Variants in PAK2 observed in about 807,000 individuals in gnomAD.
The protein encoded by PAK2 is p21 (RAC1) activated kinase 2.
PAK2 carries 21 observed loss-of-function variants against 65.9 expected under a neutral mutation model. That is an observed-to-expected ratio of 0.32 (90% CI 0.23 to 0.46). The LOEUF is 0.46. Ranked by LOEUF, PAK2 falls within the 20% of genes least tolerant of loss-of-function variation. The pLI, the probability that PAK2 is intolerant of heterozygous loss-of-function variation, is 1.00. For synonymous variants in PAK2, 204 were observed against 219.7 expected (o/e 0.93, Z 0.63); for missense variants, 324 against 642.6 (o/e 0.50, Z 5.36).
chr3:196,786,809 T>G (rs958021639), intron 2 of PAK2, among the ~76,000 whole-genome samples: 2 of 151,470 alleles, frequency 1.3e-5, no homozygotes, highest in African/African-American at 4.9e-5. Flanking sequence ...CCTGTCTTGA[T>G]TACTATATCT....
intron 1 of PAK2, among the ~76,000 whole-genome samples, chr3:196,742,656 T>TGTAA (rs1407536308): frequency 6.6e-6 from 1 of 152,194 alleles, no homozygotes; most frequent in Admixed American, 6.5e-5. Flanking sequence ...GGCTCACGCC[T>TGTAA]GTAATCCCAG....
chr3:196,801,412 A>G (rs1401931033), intron 2 of PAK2, among the ~76,000 whole-genome samples: 4 of 152,130 alleles, frequency 2.6e-5, no homozygotes, highest in African/African-American at 7.2e-5. Flanking sequence ...GCCCTACTCT[A>G]TGGCAGGACA....
chr3:196,816,510 C>G (rs1038526736), intron 11 of PAK2, among the ~76,000 whole-genome samples: 3 of 152,080 alleles, frequency 2.0e-5, no homozygotes, highest in African/African-American at 7.2e-5. Context: ...GGAAGTTCCT[C>G]TAATTTGGGT....
chr3:196,794,490 G>A (rs1315237546), intron 2 of PAK2, among the ~76,000 whole-genome samples: 1 of 152,232 alleles, frequency 6.6e-6, no homozygotes, highest in Non-Finnish European at 1.5e-5. Flanking sequence ...GGCGCCAAGT[G>A]TGGGAAAATC....
At chr3:196,751,154 C>T (rs763442288) in intron 1 of PAK2, among the ~76,000 whole-genome samples, 4 of 152,102 alleles carry the variant, frequency 2.6e-5, no homozygotes, top group East Asian at 3.8e-4. Context: ...TTTTGTGTCT[C>T]GCTCATTATT....
intron 4 of PAK2, among the ~76,000 whole-genome samples, chr3:196,804,310 A>G (rs1394626704): frequency 1.3e-5 from 2 of 152,188 alleles, no homozygotes; most frequent in Admixed American, 6.6e-5. Context: ...CCGTTAGGAA[A>G]AGGTCACACT....
chr3:196,741,936 C>G (rs558242101), intron 1 of PAK2, among the ~76,000 whole-genome samples: 3 of 152,076 alleles, frequency 2.0e-5, no homozygotes, highest in Non-Finnish European at 4.4e-5. Context: ...ATGGTTTACT[C>G]TCATTCAGAG....
chr3:196,793,341 T>C (rs1715136651), intron 2 of PAK2, among the ~76,000 whole-genome samples: 3 of 152,148 alleles, frequency 2.0e-5, no homozygotes, highest in Admixed American at 2.0e-4. Context: ...CCATCCTGCT[T>C]TCAGAATACC....
intron 1 of PAK2, among the ~76,000 whole-genome samples, chr3:196,763,231 G>A (rs569732469): frequency 6.6e-6 from 1 of 152,228 alleles, no homozygotes; most frequent in African/African-American, 2.4e-5. Flanking sequence ...GGGTGCCAAG[G>A]AGAATTATTA....
At chr3:196,804,424 T>C (rs1468403462) in intron 4 of PAK2, among the ~76,000 whole-genome samples, 1 of 151,982 alleles carries the variant, frequency 6.6e-6, no homozygotes, top group African/African-American at 2.4e-5. Flanking sequence ...TTTCACCTAG[T>C]ACACATACAT....
At chr3:196,810,451 A>C (rs1715738763) in intron 7 of PAK2, 139 bp from the exon 8 acceptor site, 5 of 648,368 alleles carry the variant, frequency 7.7e-6, no homozygotes, top group Admixed American at 5.7e-5. Context: ...TGTGTTTGAA[A>C]CCTGTTATTT....
chr3:196,765,646 T>C (rs907049500), intron 1 of PAK2, among the ~76,000 whole-genome samples: 5 of 152,220 alleles, frequency 3.3e-5, no homozygotes, highest in African/African-American at 1.2e-4. Context: ...CATATTCTTA[T>C]GTATGTGTTC....
chr3:196,822,285 A>G (rs1319987305), intron 13 of PAK2, among the ~76,000 whole-genome samples: 1 of 152,218 alleles, frequency 6.6e-6, no homozygotes, highest in Non-Finnish European at 1.5e-5. Flanking sequence ...CTTGTCTTCT[A>G]GTGGGAAAAG....
intron 2 of PAK2, among the ~76,000 whole-genome samples, chr3:196,789,046 T>G (rs1714985144): frequency 6.6e-6 from 1 of 152,178 alleles, no homozygotes; most frequent in Non-Finnish European, 1.5e-5. Context: ...TGGCCATCTC[T>G]CTGTTTTAGT....
chr3:196,749,172 G>A (rs1104375), intron 1 of PAK2, among the ~76,000 whole-genome samples: 2 of 151,334 alleles, frequency 1.3e-5, no homozygotes, highest in African/African-American at 4.9e-5. Context: ...GATTGCTTCC[G>A]TAATTTAGGT....
intron 2 of PAK2, among the ~76,000 whole-genome samples, chr3:196,787,822 T>C (rs1178726789): frequency 1.3e-5 from 2 of 152,238 alleles, no homozygotes; most frequent in African/African-American, 2.4e-5. Flanking sequence ...CTTACACTTA[T>C]TGCTCCTACC....
chr3:196,813,794 A>G (rs1715905488), intron 10 of PAK2, among the ~76,000 whole-genome samples: 1 of 151,982 alleles, frequency 6.6e-6, no homozygotes. Context: ...TACTAAAAAT[A>G]CAAAAATTAG....
intron 1 of PAK2, among the ~76,000 whole-genome samples, chr3:196,742,907 G>T (rs1216467518): frequency 1.3e-5 from 2 of 152,216 alleles, no homozygotes; most frequent in South Asian, 2.1e-4. Flanking sequence ...GCTACAGAGC[G>T]AGACTCCGTC....
At chr3:196,825,008 A>G (rs984854727) in intron 13 of PAK2, among the ~76,000 whole-genome samples, 5 of 152,148 alleles carry the variant, frequency 3.3e-5, no homozygotes, top group African/African-American at 1.2e-4. Context: ...TATCTGTTCA[A>G]TTTTCTGTAA....
Sources: allele counts gnomAD v4.1 joint callset (sites outside exome capture counted in the v4.1 genomes callset), GRCh38; gene constraint gnomAD v4.1.1; transcripts MANE v1.5; gene names NCBI Gene and HGNC (gene_info 2026-07-23, HGNC 2026-07-21).